ASZ1: variants seen among roughly 807,000 people sequenced by gnomAD.
ASZ1 encodes ankyrin repeat, SAM and basic leucine zipper domain containing 1, also known as ankyrin repeat, SAM and basic leucine zipper domain-containing protein 1.
ASZ1 carries 67 observed loss-of-function variants against 61.8 expected under a neutral mutation model. The observed-to-expected ratio is 1.08, with a 90% CI of 0.89 to 1.33. The LOEUF is 1.33. Among genes scored for constraint, ASZ1 ranks in the 40% most tolerant of loss-of-function variants. The pLI, the probability that ASZ1 is intolerant of heterozygous loss-of-function variation, is 0.00. For synonymous variants in ASZ1, 193 were observed against 192.7 expected (o/e 1.00, Z -0.01); for missense variants, 577 against 554.5 (o/e 1.04, Z -0.41).
At chr7:117,422,391 C>T (rs781596810) in intron 2 of ASZ1, 32 bp from the exon 3 acceptor site, 16 of 1,602,894 alleles carry the variant, frequency 1.0e-5, no homozygotes, top group Middle Eastern at 1.7e-4. Flanking sequence ...TTTAAAAGCA[C>T]ACTACCACCA....
intron 2 of ASZ1, among the ~76,000 whole-genome samples, chr7:117,422,631 G>C (rs1173719933): frequency 6.6e-6 from 1 of 152,116 alleles, no homozygotes. Flanking sequence ...ATTATAACAG[G>C]TTTTTACATG....
At position 117,363,711 on chromosome 7, in the gene ASZ1, T is replaced by G; in HGVS notation, c.1313A>C (p.Gln438Pro). 6.3e-7 allele frequency: 1 copy of G among 1,595,174 alleles called. No individual in the cohort carries two copies. Residue 438 changes from glutamine to proline, a missense_variant, in exon 13 of 13, where the codon CAA (glutamine) becomes CCA (proline). Coordinates refer to ENST00000284629, the MANE Select transcript of ASZ1 (RefSeq NM_130768.3). Reference protein sequence around the residue: ...NERENDPTHIQLREEVSTWNS... With the variant: ...NERENDPTHIPLREEVSTWNS... ...CCATGTAGATACTTCTTCCCTTAAT[T>G]GTATATGAGTTGGATCATTTTCCCG... is the stretch of plus-strand genomic sequence containing the variant.
At chr7:117,373,904 T>C (rs1796092372) in intron 10 of ASZ1, among the ~76,000 whole-genome samples, 1 of 151,916 alleles carries the variant, frequency 6.6e-6, no homozygotes, top group East Asian at 1.9e-4. Flanking sequence ...ATAGAAACAA[T>C]AATGAAAAAA....
At chr7:117,390,511 T>C (rs1273744054) in intron 4 of ASZ1, among the ~76,000 whole-genome samples, 5 of 152,092 alleles carry the variant, frequency 3.3e-5, no homozygotes, top group African/African-American at 9.7e-5. Flanking sequence ...GAGTGCAGTG[T>C]CTTTTTGGTA....
At chr7:117,364,411 CAGAGAGACAGAG>C (rs1333727643) in intron 12 of ASZ1, among the ~76,000 whole-genome samples, 3 of 108,374 alleles carry the variant, frequency 2.8e-5, no homozygotes, top group African/African-American at 1.5e-4. Context: ...CTGTGAGAGA[CAGAGAGACAGAG>C]AGAGAGAGAG....
chr7:117,395,614 G>C (rs1796561832), intron 4 of ASZ1, among the ~76,000 whole-genome samples: 1 of 151,916 alleles, frequency 6.6e-6, no homozygotes, highest in Non-Finnish European at 1.5e-5. Flanking sequence ...GTAATCTCAA[G>C]CTTTTCGTTT....
In ASZ1 at chr7:117,427,408, C is replaced by G. The variant is rs1584748828; in HGVS notation, c.53G>C (p.Ser18Thr). ...CTCCCAGCCATCATCCTCGCTCTCG[C>G]TACTCTCGCCTCCGCCAGCCACTGG... ...GLPVAGGGESSESEDDGWEIG... is the reference protein window; with the variant it reads ...GLPVAGGGESTESEDDGWEIG... Residue 18 changes from serine to threonine, a missense_variant, in exon 1 of 13, where the codon AGC becomes ACC. Ser to Thr is a moderately conservative substitution (Grantham distance 58). Transcript: ENST00000284629. 1.2e-6 allele frequency: 2 copies of G among 1,614,144 alleles called. No individual in the cohort carries two copies. The highest frequency in any genetic ancestry group is 1.7e-6 in the Non-Finnish European group (2 of 1,180,016).
chr7:117,368,712 T>C lies in ASZ1; in HGVS notation c.1061A>G (p.Asp354Gly). 6.2e-7 allele frequency: 1 copy of C among 1,612,522 alleles called. No homozygotes were observed. The highest frequency in any genetic ancestry group is 1.1e-5 in the South Asian group (1 of 90,924). Residue 354 changes from aspartate (D) to glycine (G), a missense_variant, in exon 11 of 13, where the codon GAT (aspartate) becomes GGT (glycine). Transcript: ENST00000284629. The stretch of plus-strand genomic sequence containing the variant: ...TTTGAGAAGAAAGTTGAGGAACTCA[T>C]CACCACTAAAGAAAGGAAACAAACA... ...SEETKLEISGDEFLNFLLKLN... is the reference protein window; with the variant it reads ...SEETKLEISGGEFLNFLLKLN...
At chr7:117,368,138 G>T in intron 11 of ASZ1, 3 of 589,576 alleles carry the variant, frequency 5.1e-6, no homozygotes, top group Non-Finnish European at 6.4e-6. Flanking sequence ...TGCTGCTCAG[G>T]CTGGTCTCAA....
chr7:117,380,999 AT>A lies in ASZ1; in HGVS notation c.945+11del. On this transcript the variant is annotated intron_variant, in intron 9 of 12. Transcript: ENST00000284629. ...AAACAATGTATCGGGAATTTTTGAA[AT>A]TGATACTAACCTTTGTAAATTCATC... The A allele has an allele frequency of 1.3e-6, 2 of 1,570,054 alleles. No individual in the cohort carries two copies. Among genetic ancestry groups the A allele is most frequent in the Non-Finnish European group, 1.7e-6 (2 of 1,150,616 alleles).
Position 117,422,287 on chromosome 7 carries a change from T to A in ASZ1, c.278A>T (p.Glu93Val), listed in dbSNP as rs201095708. The A allele has an allele frequency of 7.9e-5, 127 of 1,613,962 alleles. No homozygotes were observed. In the East Asian group the frequency reaches 1.9e-3, roughly 24 times the overall value. Residue 93 changes from glutamate (E) to valine (V), a missense_variant, in exon 3 of 13, where the codon GAG becomes GTG. Physicochemically the swap from Glu to Val is moderately radical, Grantham distance 121. Transcript: ENST00000284629. The part of the protein sequence containing the change: ...LMYAASVANA[E>V]LVRVLLDRGA... ...TCTGTCCAAAAGGACCCGAACCAGCTCTGCATTGGCAACACTAGCAGCATA... is the reference window on the plus strand; with the variant it reads ...TCTGTCCAAAAGGACCCGAACCAGCACTGCATTGGCAACACTAGCAGCATA...
rs374092921 is a variant in ASZ1, at chr7:117,427,486, C to G, written c.-26G>C. On this transcript the variant is annotated 5_prime_UTR_variant, in exon 1 of 13. Coordinates refer to ENST00000284629, the MANE Select transcript of ASZ1 (RefSeq NM_130768.3). ...GCCAGCCAAGGAAGCTCCCTGTCGGCACCGCGCGCCCTTCAGCTCTCCGGG... is the reference window on the plus strand; with the variant it reads ...GCCAGCCAAGGAAGCTCCCTGTCGGGACCGCGCGCCCTTCAGCTCTCCGGG... The G allele has an allele frequency of 1.9e-6, 3 of 1,611,250 alleles. No individual in the cohort carries two copies. The highest frequency in any genetic ancestry group is 2.7e-5 in the African/African-American group (2 of 74,896).
At chr7:117,366,510 C>T (rs1054712441) in intron 12 of ASZ1, among the ~76,000 whole-genome samples, 22 of 151,868 alleles carry the variant, frequency 1.4e-4, no homozygotes, top group Non-Finnish European at 2.9e-5. Flanking sequence ...ATAAAGAGCT[C>T]GGAAGTGAGC....
At chr7:117,416,134 C>A (rs370003296) in intron 4 of ASZ1, among the ~76,000 whole-genome samples, 2 of 151,796 alleles carry the variant, frequency 1.3e-5, no homozygotes, top group African/African-American at 4.8e-5. Context: ...TTGCAGGGAG[C>A]GGAGATCTGA....
chr7:117,378,631 T>C (rs576901973), intron 10 of ASZ1, among the ~76,000 whole-genome samples: 9 of 152,044 alleles, frequency 5.9e-5, no homozygotes, highest in Non-Finnish European at 1.3e-4. Context: ...TTTTAAAATA[T>C]ACTAAATATG....
intron 2 of ASZ1, 138 bp from the exon 3 acceptor site, chr7:117,422,497 C>CA (rs1562862403): frequency 2.2e-6 from 2 of 910,800 alleles, no homozygotes; most frequent in South Asian, 2.2e-5. Context: ...TAATGGCTTC[C>CA]AAAAAATACA....
chr7:117,427,107 G>A (rs146410361), intron 1 of ASZ1, among the ~76,000 whole-genome samples, 172 bp from the exon 2 acceptor site: 1 of 152,120 alleles, frequency 6.6e-6, no homozygotes, highest in Admixed American at 6.5e-5. Flanking sequence ...AAGGGAATAG[G>A]TAATGATGGA....
chr7:117,415,657 C>T (rs1179618685), intron 4 of ASZ1, among the ~76,000 whole-genome samples: 1 of 151,818 alleles, frequency 6.6e-6, no homozygotes, highest in East Asian at 1.9e-4. Flanking sequence ...TTTCAGGCGT[C>T]TACTAGGGGG....
At chr7:117,390,662 G>A (rs1234589969) in intron 4 of ASZ1, among the ~76,000 whole-genome samples, 1 of 152,064 alleles carries the variant, frequency 6.6e-6, no homozygotes, top group African/African-American at 2.4e-5. Flanking sequence ...AGCAGTGTAC[G>A]TTTCCCTTAT....
Sources: gnomAD v4.1 joint callset for allele counts (sites outside exome capture counted in the v4.1 genomes callset) on GRCh38, gnomAD v4.1.1 for gene constraint, MANE v1.5 for transcripts, NCBI Gene and HGNC (gene_info 2026-07-23, HGNC 2026-07-21) for gene names.